The following REPS2 variants were observed in gnomAD, a reference collection of about 807,000 sequenced individuals.
REPS2 encodes ralBP1-associated Eps domain-containing protein 2.
A neutral mutation model predicts 53.6 loss-of-function variants in REPS2; 23 were observed. The observed-to-expected ratio is 0.43, with a 90% CI of 0.31 to 0.61. The LOEUF (loss-of-function observed/expected upper bound fraction) is 0.61, where lower values mean the gene tolerates loss of function less well. Among genes scored for constraint, REPS2 ranks in the 20% least tolerant of loss-of-function variants. The probability of loss-of-function intolerance (pLI) is 0.11; values close to 1 mark genes in which losing one functional copy is unlikely to be tolerated. For synonymous variants in REPS2, 238 were observed against 218.6 expected, an observed-to-expected ratio of 1.09 and a Z score of -0.78; for missense variants, 446 against 534.9, an observed-to-expected ratio of 0.83 and a Z score of 1.64.
rs1193186341 is a variant in REPS2, at chrX:16,964,662, A to AC, written c.273+17536dup. 1.6e-3 allele frequency among the ~76,000 whole-genome samples: 132 copies of AC among 80,544 alleles called. 1 individual carries two copies. Among genetic ancestry groups the AC allele is most frequent in the East Asian group, 0.015 (34 of 2,294 alleles). 69.9% of individuals were successfully genotyped at this position (80,544 alleles called of 115,157 possible). On this transcript the variant is annotated intron_variant, in intron 1 of 17. Transcript: ENST00000357277. ...GGGCGGCTGGCCGGACGGGGGGCTG[A>AC]CCCCCCCCACCTCCCTCCTGGACGG...
intron 8 of REPS2, among the ~76,000 whole-genome samples, chrX:17,056,795 C>T (rs1475740911): frequency 1.8e-5 from 2 of 111,871 alleles, no homozygotes; most frequent in Admixed American, 9.4e-5. Flanking sequence ...ACCCATGTAA[C>T]TACAATCAGA....
At chrX:17,089,394 G>T (rs1283173053) in intron 13 of REPS2, among the ~76,000 whole-genome samples, 1 of 110,660 alleles carries the variant, frequency 9.0e-6, no homozygotes, top group Non-Finnish European at 1.9e-5. Context: ...CTTTATTGAG[G>T]TATATAGATC....
chrX:16,985,365 A>T (rs778097579), intron 1 of REPS2, among the ~76,000 whole-genome samples: 2 of 112,099 alleles, frequency 1.8e-5, no homozygotes, highest in South Asian at 7.4e-4. Context: ...GCATTGGCTT[A>T]GAGCTTTGTG....
intron 10 of REPS2, 116 bp from the exon 11 acceptor site, chrX:17,069,824 G>A (rs2062278989): frequency 2.6e-6 from 1 of 387,040 alleles, no homozygotes; most frequent in Admixed American, 5.6e-5. Context: ...GTTTTTGTAA[G>A]TGATGACTAG....
At chrX:17,117,828 T>C (rs1348239111) in intron 14 of REPS2, among the ~76,000 whole-genome samples, 1 of 110,583 alleles carries the variant, frequency 9.0e-6, no homozygotes, top group Non-Finnish European at 1.9e-5. Context: ...TTTCTAGTTC[T>C]AGATCCCTGA....
chrX:17,064,604 ATTTC>A (rs1220511567), intron 9 of REPS2, among the ~76,000 whole-genome samples: 2 of 112,177 alleles, frequency 1.8e-5, no homozygotes, highest in Non-Finnish European at 3.8e-5. Flanking sequence ...ACATTACTGG[ATTTC>A]TTTCTTTTTC....
chrX:17,042,772 G>A (rs2061849331), intron 5 of REPS2, among the ~76,000 whole-genome samples: 1 of 111,113 alleles, frequency 9.0e-6, no homozygotes, highest in African/African-American at 3.3e-5. Context: ...TCAAACTGTG[G>A]TACTTACCAT....
intron 15 of REPS2, among the ~76,000 whole-genome samples, chrX:17,134,817 T>C (rs1239322617): frequency 1.0e-4 from 11 of 109,789 alleles, no homozygotes. Flanking sequence ...AGAGACGGGG[T>C]TTCACCGTGT....
intron 13 of REPS2, among the ~76,000 whole-genome samples, chrX:17,089,622 A>G (rs777251938): frequency 8.9e-6 from 1 of 112,234 alleles, no homozygotes; most frequent in African/African-American, 3.2e-5. Flanking sequence ...ATATAACCGA[A>G]TATACAATAT....
chrX:16,958,963 A>G (rs113080993), intron 1 of REPS2, among the ~76,000 whole-genome samples: 10 of 112,434 alleles, frequency 8.9e-5, no homozygotes, highest in African/African-American at 3.2e-4. Context: ...GCCTGGGGAT[A>G]CAGACCTCCA....
intron 6 of REPS2, among the ~76,000 whole-genome samples, chrX:17,048,958 C>T (rs1156969432): frequency 8.9e-6 from 1 of 111,953 alleles, no homozygotes; most frequent in Non-Finnish European, 1.9e-5. Flanking sequence ...TGCAATGGCA[C>T]GATCTTGGCT....
chrX:16,951,560 C>CACA (rs1555906117), intron 1 of REPS2, among the ~76,000 whole-genome samples: 306 of 19,884 alleles, frequency 0.015, 10 homozygotes, highest in East Asian at 0.15. Flanking sequence ...CACACACACA[C>CACA]CCCCGCTACC....
chrX:17,046,734 T>C (rs939472660), intron 5 of REPS2, among the ~76,000 whole-genome samples: 3 of 112,171 alleles, frequency 2.7e-5, no homozygotes, highest in African/African-American at 9.7e-5. Context: ...CTTGTTACCC[T>C]GTTTATTGTG....
intron 1 of REPS2, among the ~76,000 whole-genome samples, chrX:16,970,078 T>G (rs1329593394): frequency 8.9e-6 from 1 of 112,422 alleles, no homozygotes; most frequent in Non-Finnish European, 1.9e-5. Context: ...ATGGTTAAGA[T>G]TACATCTTCT....
At chrX:17,105,737 T>G (rs1022458390) in intron 14 of REPS2, among the ~76,000 whole-genome samples, 1 of 112,006 alleles carries the variant, frequency 8.9e-6, no homozygotes, top group Non-Finnish European at 1.9e-5. Flanking sequence ...ACATTCCATT[T>G]CTCTCCCCTA....
intron 13 of REPS2, among the ~76,000 whole-genome samples, chrX:17,087,674 C>G (rs2062555507): frequency 9.0e-6 from 1 of 111,619 alleles, no homozygotes; most frequent in Admixed American, 9.5e-5. Flanking sequence ...GTGGCTCATG[C>G]CTGTAATCTC....
At chrX:17,093,106 T>C (rs2062640030) in intron 13 of REPS2, among the ~76,000 whole-genome samples, 1 of 95,254 alleles carries the variant, frequency 1.0e-5, no homozygotes, top group African/African-American at 3.9e-5. Context: ...CACAGAATTA[T>C]AAATGCAAGG....
At chrX:17,190,597 T>A in the REPS2 span, among the ~76,000 whole-genome samples, 1 of 112,397 alleles carries the variant, frequency 8.9e-6, no homozygotes, top group East Asian at 2.8e-4. Flanking sequence ...CCAGCAGGAT[T>A]TTTTTGGGGG....
intron 1 of REPS2, among the ~76,000 whole-genome samples, chrX:17,004,863 T>G (rs1188209274): frequency 2.5e-4 from 2 of 8,089 alleles, no homozygotes; most frequent in Non-Finnish European, 5.1e-4. Context: ...TTACAATGTC[T>G]TTTTTTTTTT....
Sources: allele counts gnomAD v4.1 joint callset (sites outside exome capture counted in the v4.1 genomes callset), GRCh38; gene constraint gnomAD v4.1.1; transcripts MANE v1.5; gene names NCBI Gene and HGNC (gene_info 2026-07-23, HGNC 2026-07-21).